The following FRYL variants were observed in gnomAD, a reference collection of about 807,000 sequenced individuals.
FRYL encodes the protein protein furry homolog-like.
A neutral mutation model predicts 351.2 loss-of-function variants in FRYL; 150 were observed. The observed-to-expected ratio is 0.43, with a 90% CI of 0.37 to 0.49. The LOEUF (loss-of-function observed/expected upper bound fraction) is 0.49. Ranked by LOEUF, FRYL falls within the 20% of genes least tolerant of loss-of-function variation. FRYL has a pLI of 0.00. For missense variants in FRYL, 3,036 were observed against 3,619.3 expected (o/e 0.84, Z 4.13); for synonymous variants, 1,153 against 1,257.1 (o/e 0.92, Z 1.75).
chr4:48,777,872 A>T (rs1776192885), intron 1 of FRYL, among the ~76,000 whole-genome samples: 1 of 152,172 alleles, frequency 6.6e-6, no homozygotes, highest in African/African-American at 2.4e-5. Context: ...ATTAGGTGAA[A>T]CAATGCCAGA....
chr4:48,724,473 C>T (rs1329064773), intron 1 of FRYL, among the ~76,000 whole-genome samples: 2 of 152,118 alleles, frequency 1.3e-5, no homozygotes, highest in African/African-American at 4.8e-5. Context: ...TAACGGACAC[C>T]ATCACTCTCT....
chr4:48,563,945 T>A lies in FRYL; in HGVS notation c.3596+3A>T. The A allele has an allele frequency of 6.2e-7, 1 of 1,609,594 alleles. No homozygotes were observed. The highest frequency in any genetic ancestry group is 8.5e-7 in the Non-Finnish European group (1 of 1,178,948). On this transcript the variant is annotated splice_donor_region_variant and intron_variant, in intron 31 of 63. Transcript: ENST00000358350. ...TGAAACAAAAAACCTGTATCTAAAGTACCTGTTCTGGAAAACATTAGCAAT... is the reference window on the plus strand; with the variant it reads ...TGAAACAAAAAACCTGTATCTAAAGAACCTGTTCTGGAAAACATTAGCAAT...
At chr4:48,753,724 C>A (rs1050393242) in intron 1 of FRYL, among the ~76,000 whole-genome samples, 2 of 147,108 alleles carry the variant, frequency 1.4e-5, no homozygotes, top group African/African-American at 2.6e-5. Context: ...CAAAGTCAAC[C>A]AAGATTTGCT....
At chr4:48,671,858 C>CAAACAA (rs1762752462) in intron 3 of FRYL, among the ~76,000 whole-genome samples, 2 of 22,400 alleles carry the variant, frequency 8.9e-5, no homozygotes, top group Non-Finnish European at 8.9e-5. Context: ...GTCTCAAAAA[C>CAAACAA]AAAAAAAAAA....
chr4:48,596,263 T>G (rs1220085274), intron 13 of FRYL, among the ~76,000 whole-genome samples: 1 of 152,132 alleles, frequency 6.6e-6, no homozygotes, highest in Non-Finnish European at 1.5e-5. Context: ...ATACTAGTAT[T>G]TCTAAGAATT....
intron 1 of FRYL, among the ~76,000 whole-genome samples, chr4:48,770,937 T>C (rs1775450285): frequency 6.6e-6 from 1 of 151,792 alleles, no homozygotes; most frequent in African/African-American, 2.4e-5. Flanking sequence ...GGAAAAATGT[T>C]AGAACAGGAA....
At chr4:48,502,386 CA>C (rs1174649874) in intron 61 of FRYL, among the ~76,000 whole-genome samples, 8 of 151,808 alleles carry the variant, frequency 5.3e-5, no homozygotes, top group African/African-American at 1.7e-4. Context: ...ACTAAAAATA[CA>C]AAAAATAATT....
At chr4:48,548,049 G>A (rs1731766778) in intron 40 of FRYL, among the ~76,000 whole-genome samples, 1 of 151,902 alleles carries the variant, frequency 6.6e-6, no homozygotes, top group South Asian at 2.1e-4. Flanking sequence ...AAAATTCATG[G>A]AAATGAATTT....
intron 1 of FRYL, among the ~76,000 whole-genome samples, chr4:48,774,155 G>A (rs568555564): frequency 1.8e-4 from 27 of 152,188 alleles, no homozygotes; most frequent in African/African-American, 6.3e-4. Context: ...GGGTGGGGAT[G>A]GGATGAAAAA....
chr4:48,662,788 G>C (rs1038643017), intron 3 of FRYL, among the ~76,000 whole-genome samples: 9 of 148,204 alleles, frequency 6.1e-5, no homozygotes, highest in Admixed American at 1.3e-4. Context: ...AAAAAAAGCA[G>C]GAAATTATAC....
At chr4:48,560,245 A>G (rs1195759247) in intron 33 of FRYL, among the ~76,000 whole-genome samples, 1 of 152,218 alleles carries the variant, frequency 6.6e-6, no homozygotes, top group Non-Finnish European at 1.5e-5. Context: ...TGATACCTGT[A>G]TCTGTGCAGT....
At chr4:48,749,155 C>G (rs1197782777) in intron 1 of FRYL, among the ~76,000 whole-genome samples, 1 of 152,220 alleles carries the variant, frequency 6.6e-6, no homozygotes, top group Non-Finnish European at 1.5e-5. Context: ...AAGGAGGGAA[C>G]CCACTGCAGG....
intron 1 of FRYL, among the ~76,000 whole-genome samples, chr4:48,721,082 T>C (rs1423512359): frequency 1.3e-5 from 2 of 152,210 alleles, no homozygotes; most frequent in African/African-American, 4.8e-5. Flanking sequence ...CAGAAGAATA[T>C]ACAATAATAG....
At chr4:48,691,018 T>C (rs1301564370) in intron 2 of FRYL, among the ~76,000 whole-genome samples, 1 of 152,216 alleles carries the variant, frequency 6.6e-6, no homozygotes, top group African/African-American at 2.4e-5. Context: ...CCAGCAAGCT[T>C]AGAGAAGCCT....
At chr4:48,598,909 T>C in intron 13 of FRYL, 1 of 912,638 alleles carries the variant, frequency 1.1e-6, no homozygotes, top group Non-Finnish European at 1.3e-6. Context: ...AACATAAACA[T>C]GAGATGCAGC....
chr4:48,728,755 C>T (rs2149621868), intron 1 of FRYL, among the ~76,000 whole-genome samples: 1 of 152,268 alleles, frequency 6.6e-6, no homozygotes, highest in South Asian at 2.1e-4. Flanking sequence ...AGGGTTGCTT[C>T]CAAGATGGAC....
At chr4:48,513,047 T>C (rs944780939) in intron 56 of FRYL, among the ~76,000 whole-genome samples, 2 of 152,130 alleles carry the variant, frequency 1.3e-5, no homozygotes, top group African/African-American at 4.8e-5. Context: ...CAGCCTCACA[T>C]TGGTGATAAT....
chr4:48,573,792 T>C (rs1207421938), intron 25 of FRYL, among the ~76,000 whole-genome samples: 2 of 152,110 alleles, frequency 1.3e-5, no homozygotes, highest in African/African-American at 2.4e-5. Context: ...CTCAGGCGAT[T>C]TGCCCGCCTC....
rs200436808 is a variant in FRYL at position 48,579,000 on chromosome 4, T to A, written c.2501A>T (p.Gln834Leu). 4.5e-5 allele frequency: 73 copies of A among 1,611,962 alleles called. No individual in the cohort carries two copies. The African/African-American group carries it at 9.2e-4, about 20-fold the overall frequency. ...TATATCGACCTGAGGGGACAACAAC[T>A]GAAGTCTTGTGTATGCAAACATCCA... is the stretch of plus-strand genomic sequence containing the variant. The part of the protein sequence containing the change: ...YAWMFAYTRL[Q>L]LLSPQVDINS... The change falls in exon 23 of 64, where the codon CAG (glutamine) becomes CTG (leucine). Residue 834 changes from glutamine (Q) to leucine (L), a missense_variant. Gln to Leu is a moderately radical substitution (Grantham distance 113). Transcript: ENST00000358350.
Sources: gnomAD v4.1 joint callset for allele counts (sites outside exome capture counted in the v4.1 genomes callset) on GRCh38, gnomAD v4.1.1 for gene constraint, MANE v1.5 for transcripts, NCBI Gene and HGNC (gene_info 2026-07-23, HGNC 2026-07-21) for gene names.